EFCAB6: variants seen among roughly 807,000 people sequenced by gnomAD.
EFCAB6 encodes the protein EF-hand calcium binding domain 6.
EFCAB6 carries 156 observed loss-of-function variants against 169.8 expected under a neutral mutation model. The observed-to-expected ratio is 0.92, with a 90% confidence interval of 0.81 to 1.05. The LOEUF is 1.05. Ranked by LOEUF, EFCAB6 falls within the 50% of genes least tolerant of loss-of-function variation. The pLI, the probability that EFCAB6 is intolerant of heterozygous loss-of-function variation, is 0.00. For missense variants in EFCAB6, 1,800 were observed against 1,829.1 expected, an observed-to-expected ratio of 0.98 and a Z score of 0.29; for synonymous variants, 698 against 676.4, an observed-to-expected ratio of 1.03 and a Z score of -0.50.
chr22:43,613,904 AC>A (rs913292473), intron 21 of EFCAB6, among the ~76,000 whole-genome samples: 2 of 152,102 alleles, frequency 1.3e-5, no homozygotes, highest in Admixed American at 6.6e-5. Flanking sequence ...AGGTAGGAGG[AC>A]CACTTGAAGC....
chr22:43,695,291 A>G (rs952358913), intron 10 of EFCAB6, among the ~76,000 whole-genome samples: 1 of 152,070 alleles, frequency 6.6e-6, no homozygotes, highest in Non-Finnish European at 1.5e-5. Context: ...TAAATTTTAG[A>G]TATTATATGC....
intron 23 of EFCAB6, among the ~76,000 whole-genome samples, chr22:43,593,250 G>A (rs2051706348): frequency 6.6e-6 from 1 of 152,210 alleles, no homozygotes; most frequent in Non-Finnish European, 1.5e-5. Context: ...TGTGGCAAGG[G>A]GGAGTGGGTG....
intron 6 of EFCAB6, among the ~76,000 whole-genome samples, chr22:43,741,571 G>C (rs80010691): frequency 0.083 from 12,679 of 152,208 alleles, 660 homozygotes; most frequent in South Asian, 0.17. Flanking sequence ...GCTGTTTATT[G>C]TCTTTCTTCC....
At chr22:43,811,445 C>A (rs1337375790) in intron 1 of EFCAB6, among the ~76,000 whole-genome samples, 1 of 151,916 alleles carries the variant, frequency 6.6e-6, no homozygotes, top group East Asian at 1.9e-4. Context: ...TTAACAGGGG[C>A]AAGACATCCT....
intron 3 of EFCAB6, among the ~76,000 whole-genome samples, chr22:43,777,057 A>G (rs2061663094): frequency 1.3e-5 from 2 of 152,194 alleles, no homozygotes; most frequent in Non-Finnish European, 2.9e-5. Flanking sequence ...GACATGATCT[A>G]TCGGATCTGT....
chr22:43,561,354 C>T (rs2049020314), intron 26 of EFCAB6, among the ~76,000 whole-genome samples: 2 of 131,112 alleles, frequency 1.5e-5, no homozygotes, highest in Admixed American at 1.6e-4. Context: ...GAGACTCTGT[C>T]TCAAAAAAAA....
At chr22:43,758,327 CCTTT>C in intron 5 of EFCAB6, among the ~76,000 whole-genome samples, 1 of 151,992 alleles carries the variant, frequency 6.6e-6, no homozygotes, top group South Asian at 2.1e-4. Flanking sequence ...ATTTTTTTCC[CCTTT>C]CTTACCTTCT....
chr22:43,697,197 T>C (rs143463067), intron 10 of EFCAB6, among the ~76,000 whole-genome samples: 1 of 152,226 alleles, frequency 6.6e-6, no homozygotes, highest in Admixed American at 6.5e-5. Context: ...AATTAACACC[T>C]TTCTGAAGTG....
Position 43,618,206 on chromosome 22 carries a change from GAAAGAAAGAAAGAAAGA to G in EFCAB6, c.2466-2301_2466-2285del, listed in dbSNP as rs1569257308. On this transcript the variant is annotated intron_variant, in intron 20 of 31. Transcript: ENST00000262726. ...AGAAAGAAAGAAAGAAAGAAAGAAA[GAAAGAAAGAAAGAAAGA>G]GAAAGAAAGAAAGAGAGAGAAAGAG... is the stretch of plus-strand genomic sequence containing the variant. Among the ~76,000 whole-genome samples the G allele has an allele frequency of 8.6e-3, 1,223 of 142,030 alleles. 37 individuals are homozygous for G. The highest frequency in any genetic ancestry group is 0.013 in the Non-Finnish European group (850 of 63,190). The allele number at this position is 142,030 out of a possible 152,430, so 93.2% of individuals were successfully genotyped here. A position where few individuals can be genotyped will look rare whatever the true frequency, so the allele number is the denominator to read the frequency against.
intron 8 of EFCAB6, among the ~76,000 whole-genome samples, chr22:43,726,982 GA>G (rs1222338512): frequency 6.6e-6 from 1 of 152,076 alleles, no homozygotes; most frequent in African/African-American, 2.4e-5. Flanking sequence ...TTATGAGACA[GA>G]AAAAACCTCA....
intron 13 of EFCAB6, among the ~76,000 whole-genome samples, chr22:43,673,345 C>T (rs916662678): frequency 6.6e-6 from 1 of 151,992 alleles, no homozygotes; most frequent in African/African-American, 2.4e-5. Context: ...AATTCCATTT[C>T]TTAAAATTTA....
intron 10 of EFCAB6, among the ~76,000 whole-genome samples, chr22:43,704,262 C>A (rs2058872036): frequency 6.6e-6 from 1 of 151,938 alleles, no homozygotes; most frequent in African/African-American, 2.4e-5. Flanking sequence ...ATACTTCACC[C>A]AGAAAAACTG....
intron 17 of EFCAB6, among the ~76,000 whole-genome samples, chr22:43,644,062 G>A (rs982979263): frequency 6.6e-6 from 1 of 152,068 alleles, no homozygotes; most frequent in Non-Finnish European, 1.5e-5. Context: ...GACCTCAGGT[G>A]ATCCACCTGC....
intron 17 of EFCAB6, among the ~76,000 whole-genome samples, chr22:43,647,641 T>C (rs1388189189): frequency 6.6e-6 from 1 of 152,198 alleles, no homozygotes; most frequent in Non-Finnish European, 1.5e-5. Flanking sequence ...CAAGTTAAGA[T>C]GAAGTCGTGC....
intron 17 of EFCAB6, among the ~76,000 whole-genome samples, chr22:43,651,727 G>A (rs1360941828): frequency 2.0e-5 from 3 of 152,242 alleles, no homozygotes; most frequent in South Asian, 4.1e-4. Context: ...GGGCGGAGCT[G>A]CCCAAGACCA....
intron 10 of EFCAB6, among the ~76,000 whole-genome samples, chr22:43,704,192 G>T (rs1047776055): frequency 6.6e-6 from 1 of 152,054 alleles, no homozygotes; most frequent in African/African-American, 2.4e-5. Context: ...CACAGAAACA[G>T]GAGAGAGTGG....
intron 3 of EFCAB6, among the ~76,000 whole-genome samples, chr22:43,775,222 G>C (rs2061601798): frequency 6.6e-6 from 1 of 152,156 alleles, no homozygotes; most frequent in Admixed American, 6.5e-5. Flanking sequence ...CACTTAGAAA[G>C]GGAAGAGGGA....
intron 23 of EFCAB6, among the ~76,000 whole-genome samples, chr22:43,594,521 G>A (rs75796643): frequency 6.6e-6 from 1 of 152,190 alleles, no homozygotes; most frequent in East Asian, 1.9e-4. Context: ...TAGACTTTAA[G>A]TCAAAAACTA....
At chr22:43,553,417 A>T (rs950101911) in intron 27 of EFCAB6, 1 of 152,238 alleles carries the variant, frequency 6.6e-6, no homozygotes, top group African/African-American at 2.4e-5. Flanking sequence ...GCATTTTCTG[A>T]GTGAAGGGAA....
Sources: gnomAD v4.1 joint callset for allele counts (sites outside exome capture counted in the v4.1 genomes callset) on GRCh38, gnomAD v4.1.1 for gene constraint, MANE v1.5 for transcripts, NCBI Gene and HGNC (gene_info 2026-07-23, HGNC 2026-07-21) for gene names.